Variants in SND1 observed in about 807,000 individuals in gnomAD.
SND1 encodes the protein staphylococcal nuclease domain-containing protein 1.
Under a neutral mutation model 121.7 loss-of-function variants are expected in SND1, and 38 were observed. The ratio of observed to expected loss-of-function variants is 0.31; its 90% CI spans 0.24 to 0.41. The LOEUF (loss-of-function observed/expected upper bound fraction) is 0.41, where lower values mean the gene tolerates loss of function less well. Among genes scored for constraint, SND1 ranks in the 10% least tolerant of loss-of-function variants. The pLI, the probability that SND1 is intolerant of heterozygous loss-of-function variation, is 1.00. For synonymous variants in SND1, 401 were observed against 447.4 expected (o/e 0.90, Z 1.31); for missense variants, 868 against 1,184.6 (o/e 0.73, Z 3.92).
intron 12 of SND1, among the ~76,000 whole-genome samples, chr7:127,863,938 A>G (rs915916383): frequency 6.6e-6 from 1 of 152,152 alleles, no homozygotes; most frequent in Non-Finnish European, 1.5e-5. Flanking sequence ...ATAGGAATAT[A>G]CGATATACTT....
intron 11 of SND1, among the ~76,000 whole-genome samples, chr7:127,824,161 T>G (rs1372209890): frequency 6.6e-6 from 1 of 152,210 alleles, no homozygotes; most frequent in African/African-American, 2.4e-5. Flanking sequence ...TATCTTTAAG[T>G]TTCCACTGAT....
chr7:128,075,545 C>T (rs929675472), intron 17 of SND1, among the ~76,000 whole-genome samples: 7 of 152,222 alleles, frequency 4.6e-5, no homozygotes, highest in Non-Finnish European at 1.0e-4. Context: ...TCACCAGCCC[C>T]AAGCAGCTGC....
chr7:127,944,578 C>T (rs1801285623), intron 15 of SND1, among the ~76,000 whole-genome samples: 1 of 152,142 alleles, frequency 6.6e-6, no homozygotes, highest in Admixed American at 6.5e-5. Flanking sequence ...CTCTTTGATC[C>T]CCTGAACCGG....
At chr7:128,041,489 T>G (rs1350530950) in intron 16 of SND1, among the ~76,000 whole-genome samples, 1 of 152,182 alleles carries the variant, frequency 6.6e-6, no homozygotes, top group Admixed American at 6.5e-5. Context: ...GCCTCCAATC[T>G]GCTCTTGCTC....
chr7:127,665,016 A>T (rs1795387970), intron 1 of SND1, among the ~76,000 whole-genome samples: 1 of 152,122 alleles, frequency 6.6e-6, no homozygotes, highest in Non-Finnish European at 1.5e-5. Flanking sequence ...GTTTGGGGAG[A>T]TATCACTGGA....
At chr7:127,720,705 A>G (rs1382179830) in intron 9 of SND1, among the ~76,000 whole-genome samples, 1 of 152,212 alleles carries the variant, frequency 6.6e-6, no homozygotes, top group Non-Finnish European at 1.5e-5. Flanking sequence ...GGTGGCTTTC[A>G]GAGTATCTGA....
intron 15 of SND1, among the ~76,000 whole-genome samples, chr7:127,931,938 G>A (rs1800963303): frequency 6.6e-6 from 1 of 152,148 alleles, no homozygotes; most frequent in Non-Finnish European, 1.5e-5. Flanking sequence ...CTCATTCACA[G>A]TTCTGCAGCT....
intron 14 of SND1, among the ~76,000 whole-genome samples, chr7:127,917,749 A>AGG (rs761094820): frequency 2.6e-5 from 4 of 152,194 alleles, no homozygotes; most frequent in Non-Finnish European, 5.9e-5. Flanking sequence ...CCTTAGAAAC[A>AGG]GGCTACTTAG....
At chr7:127,862,158 T>C (rs983476851) in intron 12 of SND1, among the ~76,000 whole-genome samples, 5 of 152,224 alleles carry the variant, frequency 3.3e-5, no homozygotes, top group African/African-American at 4.8e-5. Flanking sequence ...CATCCAGTTT[T>C]CCTAGTCTGC....
intron 9 of SND1, among the ~76,000 whole-genome samples, chr7:127,718,385 T>C (rs1796425858): frequency 6.6e-6 from 1 of 152,198 alleles, no homozygotes; most frequent in South Asian, 2.1e-4. Context: ...AGTATTTTAT[T>C]GCCGATTCCA....
intron 2 of SND1, among the ~76,000 whole-genome samples, chr7:127,694,076 T>A (rs1487464213): frequency 6.6e-6 from 1 of 152,234 alleles, no homozygotes; most frequent in Non-Finnish European, 1.5e-5. Flanking sequence ...AAGGTGATCC[T>A]TTGTCAGGGG....
intron 12 of SND1, among the ~76,000 whole-genome samples, chr7:127,878,465 A>G (rs922264159): frequency 6.6e-6 from 1 of 152,192 alleles, no homozygotes; most frequent in Non-Finnish European, 1.5e-5. Context: ...GTCAAAGGTT[A>G]TAGACAATTG....
intron 10 of SND1, among the ~76,000 whole-genome samples, chr7:127,775,454 G>T (rs1050267279): frequency 1.3e-5 from 2 of 151,288 alleles, no homozygotes; most frequent in African/African-American, 4.9e-5. Context: ...ATATATCAAG[G>T]GTATTCATTT....
chr7:127,958,676 G>A (rs1041896793), intron 15 of SND1, among the ~76,000 whole-genome samples: 2 of 152,128 alleles, frequency 1.3e-5, no homozygotes, highest in African/African-American at 2.4e-5. Flanking sequence ...TACGTCCAGA[G>A]TGCCTGTCCC....
rs942597717 is a variant in SND1, at chr7:127,832,901, G to A, written c.1243-11423G>A. The stretch of plus-strand genomic sequence containing the variant: ...AAAGCCTAGTGTGAACTACACGTGC[G>A]AGGGATCTAGGTCTCATGCTCTTTA... On this transcript the variant is annotated intron_variant, in intron 11 of 23. Transcript: ENST00000354725. Among the ~76,000 whole-genome samples the A allele has an allele frequency of 3.9e-5, 6 of 152,298 alleles. No homozygotes were observed. The East Asian group carries it at 5.8e-4, about 15-fold the overall frequency.
At chr7:127,732,532 T>G (rs938130400) in intron 10 of SND1, among the ~76,000 whole-genome samples, 1 of 152,252 alleles carries the variant, frequency 6.6e-6, no homozygotes, top group Middle Eastern at 3.2e-3. Flanking sequence ...TTAGCATTGT[T>G]GAAGTTGACT....
At chr7:127,815,438 C>T (rs944850302) in intron 11 of SND1, among the ~76,000 whole-genome samples, 1 of 151,968 alleles carries the variant, frequency 6.6e-6, no homozygotes, top group African/African-American at 2.4e-5. Flanking sequence ...CGCAGTGAAC[C>T]ATGATCATGC....
intron 16 of SND1, among the ~76,000 whole-genome samples, chr7:128,055,735 C>T (rs1409798357): frequency 6.6e-6 from 1 of 152,180 alleles, no homozygotes; most frequent in Non-Finnish European, 1.5e-5. Flanking sequence ...TGACACATCA[C>T]TCCTCGGCCC....
intron 12 of SND1, among the ~76,000 whole-genome samples, chr7:127,881,683 C>T (rs1799793027): frequency 6.6e-6 from 1 of 152,158 alleles, no homozygotes; most frequent in Admixed American, 6.5e-5. Context: ...CGCTCTGCCC[C>T]TTCATGGTTT....
Sources: allele counts gnomAD v4.1 joint callset (sites outside exome capture counted in the v4.1 genomes callset), GRCh38; gene constraint gnomAD v4.1.1; transcripts MANE v1.5; gene names NCBI Gene and HGNC (gene_info 2026-07-23, HGNC 2026-07-21).